Variants in OPCML observed in about 807,000 individuals in gnomAD.
The protein encoded by OPCML is opioid binding protein/cell adhesion molecule like, also known as opioid-binding protein/cell adhesion molecule.
Under a neutral mutation model 37.8 loss-of-function variants are expected in OPCML, and 13 were observed. The ratio of observed to expected loss-of-function variants is 0.34; its 90% CI spans 0.22 to 0.55. The LOEUF is 0.55. Ranked by LOEUF, OPCML falls within the 20% of genes least tolerant of loss-of-function variation. The probability of loss-of-function intolerance (pLI) is 0.91; values close to 1 mark genes in which losing one functional copy is unlikely to be tolerated. For synonymous variants in OPCML, 176 were observed against 168.8 expected (o/e 1.04, Z -0.33); for missense variants, 341 against 435.6 (o/e 0.78, Z 1.93).
chr11:132,871,810 C>T (rs933973857), intron 2 of OPCML, among the ~76,000 whole-genome samples: 1 of 152,222 alleles, frequency 6.6e-6, no homozygotes, highest in African/African-American at 2.4e-5. Context: ...TAATCATTCT[C>T]CTGACTCCAT....
intron 1 of OPCML, among the ~76,000 whole-genome samples, chr11:133,467,519 T>C (rs1037870040): frequency 6.6e-6 from 1 of 152,178 alleles, no homozygotes; most frequent in African/African-American, 2.4e-5. Flanking sequence ...CCAAACACTG[T>C]ATTAATAATA....
Position 133,459,969 on chromosome 11 carries a change from G to A in OPCML, c.61+72295C>T, listed in dbSNP as rs185782368. Among the ~76,000 whole-genome samples the A allele has an allele frequency of 4.2e-3, 636 of 152,030 alleles. 4 individuals carry two copies. Among genetic ancestry groups the A allele is most frequent in the African/African-American group, 0.014 (579 of 41,534 alleles). On this transcript the variant is annotated intron_variant, in intron 1 of 7. Transcript: ENST00000524381. The stretch of plus-strand genomic sequence containing the variant: ...CTCTTCATGATAACTCATGCATTAG[G>A]CAACAGAAAAAGTCTTAATACATTG...
intron 3 of OPCML, among the ~76,000 whole-genome samples, chr11:132,560,898 G>C (rs1458364420): frequency 6.6e-6 from 1 of 152,116 alleles, no homozygotes; most frequent in African/African-American, 2.4e-5. Context: ...TTCTTTTGCT[G>C]TGCAGAAGCT....
At chr11:132,498,768 C>T (rs975067479) in intron 4 of OPCML, among the ~76,000 whole-genome samples, 3 of 127,218 alleles carry the variant, frequency 2.4e-5, no homozygotes, top group South Asian at 2.6e-4. Flanking sequence ...ATATAGGACC[C>T]GAAGAACCCA....
At chr11:133,431,461 T>TTTTG (rs900609004) in intron 1 of OPCML, among the ~76,000 whole-genome samples, 1 of 142,228 alleles carries the variant, frequency 7.0e-6, no homozygotes, top group Non-Finnish European at 1.5e-5. Context: ...TCTCAATGTT[T>TTTTG]TTTGTTTGTT....
intron 1 of OPCML, among the ~76,000 whole-genome samples, chr11:133,261,934 G>A (rs1941508001): frequency 6.6e-6 from 1 of 152,086 alleles, no homozygotes; most frequent in African/African-American, 2.4e-5. Context: ...GCCTTTGAGG[G>A]TTCGGATGTT....
At chr11:133,172,954 TC>T (rs1307133813) in intron 1 of OPCML, among the ~76,000 whole-genome samples, 1 of 152,234 alleles carries the variant, frequency 6.6e-6, no homozygotes, top group Non-Finnish European at 1.5e-5. Context: ...AGATGTTGAA[TC>T]TTTTGCCTGG....
intron 1 of OPCML, among the ~76,000 whole-genome samples, chr11:132,974,873 G>T (rs1239055231): frequency 2.6e-5 from 4 of 151,100 alleles, no homozygotes; most frequent in African/African-American, 4.9e-5. Context: ...CTTCTGCTTG[G>T]ATTCTGAATG....
chr11:132,699,796 CCTAT>C (rs1166600164), intron 2 of OPCML, among the ~76,000 whole-genome samples: 1 of 151,912 alleles, frequency 6.6e-6, no homozygotes, highest in Non-Finnish European at 1.5e-5. Context: ...GGAATATTGG[CCTAT>C]CTTTTTCTTT....
intron 3 of OPCML, among the ~76,000 whole-genome samples, chr11:132,617,452 A>G (rs1565715071): frequency 6.6e-6 from 1 of 152,190 alleles, no homozygotes; most frequent in Admixed American, 6.5e-5. Flanking sequence ...AATGGAACTC[A>G]AACCTGGCCT....
intron 2 of OPCML, among the ~76,000 whole-genome samples, chr11:132,916,609 A>G (rs1217428593): frequency 6.6e-6 from 1 of 152,240 alleles, no homozygotes. Context: ...ACAGAGTAGT[A>G]GTACACGTAG....
At chr11:132,781,876 T>C (rs554393132) in intron 2 of OPCML, among the ~76,000 whole-genome samples, 7 of 149,808 alleles carry the variant, frequency 4.7e-5, no homozygotes, top group Non-Finnish European at 1.0e-4. Flanking sequence ...AAGTATCCAA[T>C]GACGTCTTCT....
chr11:132,978,588 G>A (rs922596754), intron 1 of OPCML, among the ~76,000 whole-genome samples: 5 of 152,130 alleles, frequency 3.3e-5, no homozygotes, highest in East Asian at 1.9e-4. Context: ...CAGAAGCTAC[G>A]AATAAAGGAT....
rs1444975400 is a variant in OPCML, at chr11:133,140,904, CGACGAA to C, written c.62-197900_62-197895del. On this transcript the variant is annotated intron_variant, in intron 1 of 7. Transcript: ENST00000524381. ...ACGACGACGACGACGAAGACGACGA[CGACGAA>C]GAAGAAGAAGACGACGACGACGAAG... Among the ~76,000 whole-genome samples the C allele has an allele frequency of 7.1e-4, 3 of 4,230 alleles. 1 individual carries two copies. Among genetic ancestry groups the C allele is most frequent in the African/African-American group, 9.8e-4 (3 of 3,056 alleles). 2.8% of individuals were successfully genotyped at this position (4,230 alleles called of 152,430 possible).
In OPCML at chr11:132,636,791, G is replaced by A. The variant is rs111526757; in HGVS notation, c.379+20296C>T. 1.8e-3 allele frequency among the ~76,000 whole-genome samples: 273 copies of A among 152,184 alleles called. 1 individual carries two copies. The highest frequency in any genetic ancestry group is 6.3e-3 in the African/African-American group (261 of 41,528). ...TGCTAAAGAAGACACTGGGAGGCTC[G>A]GGGATAGTTTATATTTATCAGGTAA... is the stretch of plus-strand genomic sequence containing the variant. On this transcript the variant is annotated intron_variant, in intron 3 of 7. Coordinates refer to ENST00000524381, the MANE Select transcript of OPCML (RefSeq NM_001012393.5).
chr11:133,149,423 AG>A (rs1289780074), intron 1 of OPCML, among the ~76,000 whole-genome samples: 1 of 152,196 alleles, frequency 6.6e-6, no homozygotes, highest in African/African-American at 2.4e-5. Context: ...GTAAAAGGAG[AG>A]GCCCCAGGCA....
At chr11:133,192,752 T>C (rs1030965429) in intron 1 of OPCML, among the ~76,000 whole-genome samples, 6 of 152,220 alleles carry the variant, frequency 3.9e-5, no homozygotes, top group Non-Finnish European at 8.8e-5. Context: ...TATCAATTTC[T>C]ATAAGGGAAA....
chr11:133,355,586 T>G (rs1364553731), intron 1 of OPCML, among the ~76,000 whole-genome samples: 2 of 152,178 alleles, frequency 1.3e-5, no homozygotes, highest in African/African-American at 2.4e-5. Flanking sequence ...TCCTACTATG[T>G]CGGTGGCACA....
At chr11:132,456,739 C>G (rs988283701) in intron 4 of OPCML, among the ~76,000 whole-genome samples, 3 of 152,164 alleles carry the variant, frequency 2.0e-5, no homozygotes, top group African/African-American at 7.2e-5. Context: ...AGGAAGTTAT[C>G]AAATAAATGT....
Sources: allele counts gnomAD v4.1 joint callset (sites outside exome capture counted in the v4.1 genomes callset), GRCh38; gene constraint gnomAD v4.1.1; transcripts MANE v1.5; gene names NCBI Gene and HGNC (gene_info 2026-07-23, HGNC 2026-07-21).